GARNL3: variants seen among roughly 807,000 people sequenced by gnomAD.
GARNL3 encodes the protein GTPase-activating Rap/Ran-GAP domain-like protein 3.
GARNL3 carries 63 observed loss-of-function variants against 125.0 expected under a neutral mutation model. That is an observed-to-expected ratio of 0.50 (90% CI 0.41 to 0.62). The LOEUF is 0.62. Among genes scored for constraint, GARNL3 ranks in the 20% least tolerant of loss-of-function variants. The probability of loss-of-function intolerance (pLI) is 0.00; values close to 1 mark genes in which losing one functional copy is unlikely to be tolerated. For synonymous variants in GARNL3, 439 were observed against 457.5 expected, an observed-to-expected ratio of 0.96 and a Z score of 0.52; for missense variants, 994 against 1,244.0, an observed-to-expected ratio of 0.80 and a Z score of 3.02.
At chr9:127,360,679 C>A (rs1358893272) in intron 21 of GARNL3, among the ~76,000 whole-genome samples, 1 of 152,218 alleles carries the variant, frequency 6.6e-6, no homozygotes, top group Non-Finnish European at 1.5e-5. Flanking sequence ...CAGCGTAGGT[C>A]ATTGGAATTT....
chr9:127,232,803 C>T (rs2063042162), intron 1 of GARNL3, among the ~76,000 whole-genome samples: 1 of 152,220 alleles, frequency 6.6e-6, no homozygotes, highest in African/African-American at 2.4e-5. Context: ...TAGTCTTCAT[C>T]TTCTGGGTTG....
Position 127,318,881 on chromosome 9 carries a change from A to G in GARNL3, c.503+754A>G, listed in dbSNP as rs572804513. On this transcript the variant is annotated intron_variant, in intron 5 of 27. Transcript: ENST00000373387. ...GTAGATCTATTATTATCTCCACTCC[A>G]CTTATCAGGAATTGGAGCCTCAGAG... 4.6e-5 allele frequency among the ~76,000 whole-genome samples: 7 copies of G among 152,256 alleles called. No individual in the cohort carries two copies. The East Asian group carries it at 1.4e-3, about 29-fold the overall frequency.
upstream of GARNL3, among the ~76,000 whole-genome samples, chr9:127,260,336 C>A (rs1377751104): frequency 6.6e-6 from 1 of 152,174 alleles, no homozygotes; most frequent in Non-Finnish European, 1.5e-5. Flanking sequence ...ATCAGAATTC[C>A]CCTGGCTGTT....
At chr9:127,262,173 A>C (rs2131253380), upstream of GARNL3, among the ~76,000 whole-genome samples, 1 of 152,316 alleles carries the variant, frequency 6.6e-6, no homozygotes, top group South Asian at 2.1e-4. Flanking sequence ...CCACTGCAAG[A>C]TACCTACTTC....
chr9:127,317,083 TCA>T (rs2065260499), intron 4 of GARNL3, among the ~76,000 whole-genome samples: 1 of 152,224 alleles, frequency 6.6e-6, no homozygotes, highest in African/African-American at 2.4e-5. Flanking sequence ...TAAATCTATG[TCA>T]CCTCTTCTTA....
Position 127,242,967 on chromosome 9 carries a change from C to A in GARNL3, c.-28-112C>A. ...GTCTTGAGGGTGCTTCAGTGTCACCCTCCTCCTTGCTTACCAGCGGGGCTG... is the reference window on the plus strand; with the variant it reads ...GTCTTGAGGGTGCTTCAGTGTCACCATCCTCCTTGCTTACCAGCGGGGCTG... On this transcript the variant is annotated intron_variant, in intron 1 of 10. Coordinates refer to the GARNL3 transcript ENST00000439286. The surrounding 1 kb of genome is among the most constrained non-coding windows in gnomAD (Gnocchi z 4.6). The A allele has an allele frequency of 1.1e-6, 1 of 946,432 alleles. No individual in the cohort carries two copies. Among genetic ancestry groups the A allele is most frequent in the Non-Finnish European group, 1.4e-6 (1 of 708,188 alleles). The allele number at this position is 946,432 out of a possible 1,614,324, so 58.6% of individuals were successfully genotyped here. A position where few individuals can be genotyped will look rare whatever the true frequency, so the allele number is the denominator to read the frequency against.
intron 1 of GARNL3, among the ~76,000 whole-genome samples, chr9:127,281,013 C>T (rs578160999): frequency 1.1e-4 from 17 of 152,238 alleles, no homozygotes; most frequent in African/African-American, 4.1e-4. Context: ...GGAAACTCTT[C>T]TTTGAACACA....
chr9:127,247,623 TTTA>T (rs1352694367), intron 2 of GARNL3, among the ~76,000 whole-genome samples: 12 of 152,310 alleles, frequency 7.9e-5, no homozygotes, highest in Non-Finnish European at 1.3e-4. Flanking sequence ...TTACCTTTTT[TTTA>T]TTATTTGTTT....
intron 2 of GARNL3, among the ~76,000 whole-genome samples, chr9:127,254,176 G>T (rs745435000): frequency 6.6e-6 from 1 of 152,152 alleles, no homozygotes; most frequent in Non-Finnish European, 1.5e-5. Flanking sequence ...CATTCCCGAA[G>T]ATTCTAATTG....
At chr9:127,329,793 C>T (rs751466124) in intron 7 of GARNL3, among the ~76,000 whole-genome samples, 5 of 152,130 alleles carry the variant, frequency 3.3e-5, no homozygotes, top group Admixed American at 6.5e-5. Flanking sequence ...TCCAGCCATG[C>T]GCAAGTCCCT....
intron 2 of GARNL3, among the ~76,000 whole-genome samples, chr9:127,248,736 T>C (rs1007410914): frequency 6.6e-6 from 1 of 151,398 alleles, no homozygotes; most frequent in Non-Finnish European, 1.5e-5. Flanking sequence ...GCCTCCTGAT[T>C]AGCTAGGACC....
Position 127,294,598 on chromosome 9 carries a change from G to A in GARNL3, c.219+3356G>A, listed in dbSNP as rs1433700885. Among the ~76,000 whole-genome samples, 5 of 152,340 alleles carry A rather than the reference G, an allele frequency of 3.3e-5. No individual in the cohort carries two copies. The East Asian group carries it at 7.7e-4, about 24-fold the overall frequency. ...ATTACAGGCATGAGCCGCTGCGCCCGGCCTCCAGTGCTTTTAAGGAGATGA... is the reference window on the plus strand; with the variant it reads ...ATTACAGGCATGAGCCGCTGCGCCCAGCCTCCAGTGCTTTTAAGGAGATGA... On this transcript the variant is annotated intron_variant, in intron 2 of 27. Coordinates refer to ENST00000373387, the MANE Select transcript of GARNL3 (RefSeq NM_032293.5).
chr9:127,264,062 A>T, upstream of GARNL3: 1 of 989,424 alleles, frequency 1.0e-6, no homozygotes, highest in Non-Finnish European at 1.5e-6. Context: ...TAAACATGTT[A>T]TTCCTATATA....
chr9:127,244,143 T>C (rs2063253003), intron 2 of GARNL3, among the ~76,000 whole-genome samples: 1 of 152,164 alleles, frequency 6.6e-6, no homozygotes, highest in South Asian at 2.1e-4. Context: ...CTGAGGTGGG[T>C]GAAGGAAGAC....
chr9:127,247,489 C>T (rs2063323704), intron 2 of GARNL3, among the ~76,000 whole-genome samples: 1 of 152,182 alleles, frequency 6.6e-6, no homozygotes, highest in South Asian at 2.1e-4. Context: ...TTGATGCTTG[C>T]CAGCCTCCCT....
rs1348265739 is a variant in GARNL3 at position 127,294,429 on chromosome 9, A to T, written c.219+3187A>T. On this transcript the variant is annotated intron_variant, in intron 2 of 27. Transcript: ENST00000373387. ...AGCAATTCTTCTGCCTCAGCCTCCCAAGTAGCTGGGATTACAGGTGTGAGC... is the reference window on the plus strand; with the variant it reads ...AGCAATTCTTCTGCCTCAGCCTCCCTAGTAGCTGGGATTACAGGTGTGAGC... 2.6e-5 allele frequency among the ~76,000 whole-genome samples: 4 copies of T among 152,054 alleles called. No individual in the cohort carries two copies. In the East Asian group the frequency reaches 5.8e-4, roughly 22 times the overall value.
At position 127,370,771 on chromosome 9, in the gene GARNL3, C is replaced by T. The variant is rs1831561960; in HGVS notation, c.2161+5405C>T. 2.0e-5 allele frequency among the ~76,000 whole-genome samples: 3 copies of T among 152,324 alleles called. No homozygotes were observed. The South Asian group carries it at 6.2e-4, about 32-fold the overall frequency. ...CCGTTCACAGTCTCTTCTCCAGTCA[C>T]CCCTTAAACGCTGGCATTCCAGAGG... is the stretch of plus-strand genomic sequence containing the variant. On this transcript the variant is annotated intron_variant, in intron 22 of 27. Coordinates refer to ENST00000373387, the MANE Select transcript of GARNL3 (RefSeq NM_032293.5).
At chr9:127,262,133 A>C (rs2063606734), upstream of GARNL3, among the ~76,000 whole-genome samples, 1 of 152,110 alleles carries the variant, frequency 6.6e-6, no homozygotes, top group Admixed American at 6.6e-5. Flanking sequence ...CTGCCTGCCT[A>C]CTACTTTAGG....
At chr9:127,344,083 A>G in intron 14 of GARNL3, 152 bp from the exon 15 acceptor site, 1 of 600,676 alleles carries the variant, frequency 1.7e-6, no homozygotes, top group Non-Finnish European at 3.0e-6. Flanking sequence ...TGGACCTGGT[A>G]CACAGCAGGT....
Sources: gnomAD v4.1 joint callset for allele counts (sites outside exome capture counted in the v4.1 genomes callset) on GRCh38, gnomAD v4.1.1 for gene constraint, Gnocchi (gnomAD v3.1) non-coding constraint, MANE v1.5 for transcripts, NCBI Gene and HGNC (gene_info 2026-07-23, HGNC 2026-07-21) for gene names.